The following VPS54 variants were observed in gnomAD, a reference collection of about 807,000 sequenced individuals.
VPS54 encodes VPS54 subunit of GARP complex, also known as vacuolar protein sorting-associated protein 54.
In VPS54, 45 loss-of-function variants were observed where a neutral mutation model predicts 121.5. The ratio of observed to expected loss-of-function variants is 0.37; its 90% CI spans 0.29 to 0.47. The LOEUF (loss-of-function observed/expected upper bound fraction) is 0.47, where lower values mean the gene tolerates loss of function less well. VPS54 is among the 20% of genes least tolerant of loss of function. The pLI is 0.99. For missense variants in VPS54, 1,090 were observed against 1,131.4 expected, an observed-to-expected ratio of 0.96 and a Z score of 0.52; for synonymous variants, 371 against 385.8, an observed-to-expected ratio of 0.96 and a Z score of 0.45.
At chr2:63,969,134 A>G in intron 4 of VPS54, 143 bp from the exon 5 acceptor site, 1 of 657,238 alleles carries the variant, frequency 1.5e-6, no homozygotes, top group Non-Finnish European at 2.6e-6. Flanking sequence ...TCTATCAAGC[A>G]CCTATTACAT....
intron 7 of VPS54, among the ~76,000 whole-genome samples, chr2:63,959,576 A>G (rs903622544): frequency 6.6e-6 from 1 of 152,228 alleles, no homozygotes; most frequent in Non-Finnish European, 1.5e-5. Flanking sequence ...GAACATCTGA[A>G]AGTCTTTTTA....
intron 12 of VPS54, among the ~76,000 whole-genome samples, chr2:63,933,090 G>C (rs937091860): frequency 4.6e-5 from 7 of 152,120 alleles, no homozygotes; most frequent in African/African-American, 1.7e-4. Flanking sequence ...ATGTGGTAAA[G>C]TATTAACACC....
chr2:63,950,850 C>T (rs758437768), intron 7 of VPS54, among the ~76,000 whole-genome samples: 2 of 152,082 alleles, frequency 1.3e-5, no homozygotes, highest in African/African-American at 2.4e-5. Flanking sequence ...ATTCTTTCTC[C>T]TCCATTATTT....
chr2:63,966,112 C>A (rs1420331277), intron 5 of VPS54, 146 bp from the exon 6 acceptor site: 14 of 757,126 alleles, frequency 1.8e-5, no homozygotes, highest in Non-Finnish European at 2.7e-5. Context: ...GTTCTTTACA[C>A]AAATATCTAT....
At chr2:64,008,443 T>C (rs1293516965) in intron 1 of VPS54, among the ~76,000 whole-genome samples, 1 of 143,134 alleles carries the variant, frequency 7.0e-6, no homozygotes, top group African/African-American at 2.6e-5. Context: ...AAGTAAGTGG[T>C]GGAGAAAGGA....
chr2:63,907,128 A>T (rs184421294), intron 20 of VPS54, among the ~76,000 whole-genome samples: 1 of 152,206 alleles, frequency 6.6e-6, no homozygotes, highest in African/African-American at 2.4e-5. Context: ...TTATATATAA[A>T]TATCAACTAG....
intron 8 of VPS54, among the ~76,000 whole-genome samples, chr2:63,948,568 T>A (rs1309323594): frequency 6.6e-6 from 1 of 151,654 alleles, no homozygotes; most frequent in Non-Finnish European, 1.5e-5. Flanking sequence ...ACCCAGCTAA[T>A]TTTTTTATTT....
intron 3 of VPS54, among the ~76,000 whole-genome samples, chr2:63,973,706 A>G (rs1345842316): frequency 6.6e-6 from 1 of 151,840 alleles, no homozygotes; most frequent in Non-Finnish European, 1.5e-5. Flanking sequence ...ATGCCTGACT[A>G]ATTTTTCTAA....
intron 1 of VPS54, among the ~76,000 whole-genome samples, chr2:64,001,867 T>C (rs574241003): frequency 1.3e-5 from 2 of 152,178 alleles, no homozygotes; most frequent in Non-Finnish European, 2.9e-5. Context: ...GGTGTTCCAA[T>C]TGATGTCTTA....
chr2:63,943,466 A>G (rs1436169922), intron 10 of VPS54, among the ~76,000 whole-genome samples: 1 of 152,168 alleles, frequency 6.6e-6, no homozygotes, highest in Non-Finnish European at 1.5e-5. Context: ...TTTTCCAACC[A>G]CTAACAATTC....
At chr2:63,992,409 C>T (rs560774360) in intron 1 of VPS54, among the ~76,000 whole-genome samples, 1 of 152,358 alleles carries the variant, frequency 6.6e-6, no homozygotes, top group South Asian at 2.1e-4. Context: ...TGGACTCCGT[C>T]TCCGTCCAAA....
chr2:63,960,030 A>AT (rs1205064722), intron 7 of VPS54, among the ~76,000 whole-genome samples: 3 of 151,936 alleles, frequency 2.0e-5, no homozygotes, highest in African/African-American at 7.3e-5. Flanking sequence ...AAAAAAATAA[A>AT]AAATAAATAA....
chr2:63,968,088 G>T (rs1676092980), intron 5 of VPS54, among the ~76,000 whole-genome samples: 2 of 151,786 alleles, frequency 1.3e-5, no homozygotes, highest in Admixed American at 1.3e-4. Context: ...TGATATAAAT[G>T]ATATCCTTCT....
intron 4 of VPS54, among the ~76,000 whole-genome samples, chr2:63,971,916 T>C (rs561045962): frequency 6.6e-6 from 1 of 152,310 alleles, no homozygotes; most frequent in Non-Finnish European, 1.5e-5. Context: ...TACTCATCTA[T>C]TTTTAAGCAA....
chr2:63,917,064 A>C, intron 15 of VPS54, 101 bp from the exon 16 acceptor site: 4 of 1,125,822 alleles, frequency 3.6e-6, no homozygotes, highest in Non-Finnish European at 5.2e-6. Context: ...AAAAACTCTC[A>C]TTTCTGAAAA....
chr2:63,910,102 C>A (rs140770336), intron 20 of VPS54, among the ~76,000 whole-genome samples: 1 of 152,106 alleles, frequency 6.6e-6, no homozygotes, highest in Non-Finnish European at 1.5e-5. Flanking sequence ...CAGATTAGAA[C>A]ATGAAAGGTT....
chr2:63,955,384 G>A (rs1246026771), intron 7 of VPS54, among the ~76,000 whole-genome samples: 2 of 151,884 alleles, frequency 1.3e-5, no homozygotes, highest in Non-Finnish European at 2.9e-5. Context: ...TAGCACTCAG[G>A]TATGTGTTAC....
Position 63,913,160 on chromosome 2 carries a change from T to C in VPS54, c.2422+63A>G. ...TGAAAACATGAGGTATAAAAAAACA[T>C]GATGAGAACAGTGACATCACTGTTA... On this transcript the variant is annotated intron_variant, in intron 18 of 22. Transcript: ENST00000272322. 5 of 1,352,504 alleles carry C rather than the reference T, an allele frequency of 3.7e-6. No homozygotes were observed. In the East Asian group the frequency reaches 1.0e-4, roughly 27 times the overall value. 83.8% of individuals were successfully genotyped at this position (1,352,504 alleles called of 1,614,324 possible).
At chr2:63,967,177 A>G (rs192062548) in intron 5 of VPS54, among the ~76,000 whole-genome samples, 8 of 152,288 alleles carry the variant, frequency 5.3e-5, no homozygotes, top group Non-Finnish European at 1.0e-4. Flanking sequence ...TTTATATGCT[A>G]TATTTTATTT....
Sources: allele counts gnomAD v4.1 joint callset (sites outside exome capture counted in the v4.1 genomes callset), GRCh38; gene constraint gnomAD v4.1.1; transcripts MANE v1.5; gene names NCBI Gene and HGNC (gene_info 2026-07-23, HGNC 2026-07-21).